Variants in PRKG1 observed in about 807,000 individuals in gnomAD.
PRKG1 encodes protein kinase cGMP-dependent 1, also known as cGMP-dependent protein kinase 1.
In PRKG1, 35 loss-of-function variants were observed where a neutral mutation model predicts 88.1. The ratio of observed to expected loss-of-function variants is 0.40; its 90% CI spans 0.30 to 0.53. PRKG1 has a LOEUF of 0.53. PRKG1 is among the 20% of genes least tolerant of loss of function. The pLI is 0.59. For synonymous variants in PRKG1, 303 were observed against 292.5 expected, an observed-to-expected ratio of 1.04 and a Z score of -0.37; for missense variants, 540 against 839.8, an observed-to-expected ratio of 0.64 and a Z score of 4.41.
At chr10:51,631,853 G>A (rs1839535016) in intron 3 of PRKG1, among the ~76,000 whole-genome samples, 1 of 152,184 alleles carries the variant, frequency 6.6e-6, no homozygotes, top group Non-Finnish European at 1.5e-5. Context: ...CTCACCTCAT[G>A]CTGTGTGTGA....
chr10:51,329,350 C>T (rs1000931488), intron 2 of PRKG1, among the ~76,000 whole-genome samples: 1 of 152,060 alleles, frequency 6.6e-6, no homozygotes, highest in East Asian at 1.9e-4. Context: ...ACTCTTGGTG[C>T]CTTTGTCATA....
At chr10:51,798,925 A>G (rs1839090561) in intron 3 of PRKG1, among the ~76,000 whole-genome samples, 1 of 152,028 alleles carries the variant, frequency 6.6e-6, no homozygotes, top group Admixed American at 6.6e-5. Context: ...TTTCACTCAT[A>G]TGTCTAGGCT....
intron 4 of PRKG1, among the ~76,000 whole-genome samples, chr10:51,859,731 C>G (rs374150679): frequency 9.2e-5 from 14 of 152,254 alleles, no homozygotes; most frequent in African/African-American, 2.6e-4. Context: ...TTCTCAAGGT[C>G]CATTAAAAAT....
At chr10:51,858,814 G>A (rs1169739308) in intron 4 of PRKG1, among the ~76,000 whole-genome samples, 1 of 151,962 alleles carries the variant, frequency 6.6e-6, no homozygotes, top group Non-Finnish European at 1.5e-5. Flanking sequence ...TGGGCTACAG[G>A]CTTTTCCCAT....
At chr10:52,114,841 C>T (rs977650855) in intron 7 of PRKG1, among the ~76,000 whole-genome samples, 1 of 152,002 alleles carries the variant, frequency 6.6e-6, no homozygotes, top group African/African-American at 2.4e-5. Flanking sequence ...ACATGGTGCA[C>T]CAGCACGTCA....
intron 3 of PRKG1, among the ~76,000 whole-genome samples, chr10:51,495,160 T>C (rs949501702): frequency 6.6e-6 from 1 of 152,122 alleles, no homozygotes; most frequent in Non-Finnish European, 1.5e-5. Context: ...AGTGGCACGA[T>C]CTTGGCTCAC....
intron 1 of PRKG1, among the ~76,000 whole-genome samples, chr10:51,100,488 T>C (rs965503287): frequency 3.9e-5 from 6 of 152,170 alleles, no homozygotes; most frequent in Non-Finnish European, 7.4e-5. Context: ...CTACAATGTC[T>C]CCAATATGTA....
chr10:51,276,912 G>A lies in PRKG1; in HGVS notation c.478+123582G>A, dbSNP rs571135071. 2.6e-5 allele frequency among the ~76,000 whole-genome samples: 4 copies of A among 152,234 alleles called. No individual in the cohort carries two copies. The East Asian group carries it at 7.7e-4, about 29-fold the overall frequency. ...AAAATTTTCTCCCATTCTGTAGGTT[G>A]CCTGTTCACTCTGATGGTAGTTTCT... is the stretch of plus-strand genomic sequence containing the variant. On this transcript the variant is annotated intron_variant, in intron 2 of 17. Transcript: ENST00000373980.
chr10:52,116,280 G>A (rs1017673664), intron 7 of PRKG1, among the ~76,000 whole-genome samples: 1 of 152,070 alleles, frequency 6.6e-6, no homozygotes, highest in African/African-American at 2.4e-5. Flanking sequence ...CGTGTTTAGT[G>A]TAACTACAAA....
At chr10:51,322,864 C>G (rs1841491361) in intron 2 of PRKG1, among the ~76,000 whole-genome samples, 2 of 152,142 alleles carry the variant, frequency 1.3e-5, no homozygotes, top group Non-Finnish European at 2.9e-5. Context: ...TTATAATCTT[C>G]CTAACTACAG....
intron 5 of PRKG1, 31 bp downstream of exon 5, chr10:51,907,601 G>A: frequency 1.3e-6 from 2 of 1,583,538 alleles, no homozygotes; most frequent in Non-Finnish European, 1.7e-6. Flanking sequence ...AACTTTTTGA[G>A]ATGGGATCCA....
chr10:51,405,252 A>AAAGTC (rs973172321), intron 2 of PRKG1, among the ~76,000 whole-genome samples: 2 of 152,190 alleles, frequency 1.3e-5, no homozygotes, highest in Admixed American at 6.5e-5. Flanking sequence ...ATCATAAAAT[A>AAAGTC]AAGTCAAGTC....
chr10:51,775,770 A>T (rs942964764), intron 3 of PRKG1, among the ~76,000 whole-genome samples: 4 of 151,756 alleles, frequency 2.6e-5, no homozygotes, highest in Admixed American at 2.6e-4. Context: ...TTTAATAGAG[A>T]CAGGGGTTTC....
In PRKG1 at chr10:52,054,514, A is replaced by G; in HGVS notation, c.793A>G (p.Arg265Gly). ...THYENGEYIIRQGARGDTFFI... is the reference protein window; with the variant it reads ...THYENGEYIIGQGARGDTFFI... The stretch of plus-strand genomic sequence containing the variant: ...CTATGAAAATGGAGAATATATTATC[A>G]GGCAAGGTGCAAGAGGGGACACCTT... Residue 265 changes from arginine to glycine, a missense_variant, in exon 6 of 18, where the codon AGG becomes GGG. Physicochemically the swap from Arg to Gly is moderately radical, Grantham distance 125. Around this residue, in one of 5 missense-constraint regions of PRKG1, gnomAD observed 400 missense variants for 562.7 expected, o/e 0.71. Transcript: ENST00000373980. 1 of 1,613,844 alleles carries G rather than the reference A, an allele frequency of 6.2e-7. No individual in the cohort carries two copies. Among genetic ancestry groups the G allele is most frequent in the Non-Finnish European group, 8.5e-7 (1 of 1,179,860 alleles).
At chr10:51,563,647 C>A (rs61849854) in intron 3 of PRKG1, among the ~76,000 whole-genome samples, 8,355 of 152,170 alleles carry the variant, frequency 0.055, 347 homozygotes, top group Middle Eastern at 0.088. Context: ...ATTGGAAAAG[C>A]ACATGTATAG....
intron 3 of PRKG1, among the ~76,000 whole-genome samples, chr10:51,656,785 C>A (rs1840171419): frequency 6.6e-6 from 1 of 152,154 alleles, no homozygotes; most frequent in Non-Finnish European, 1.5e-5. Context: ...GAGCCTTCCA[C>A]AACTTGGCAC....
At chr10:51,843,511 T>G (rs1312192245) in intron 4 of PRKG1, among the ~76,000 whole-genome samples, 1 of 152,186 alleles carries the variant, frequency 6.6e-6, no homozygotes, top group East Asian at 1.9e-4. Flanking sequence ...TTGAAATAAA[T>G]TTTTGGAGGA....
chr10:51,163,045 A>C (rs951164277), intron 2 of PRKG1, among the ~76,000 whole-genome samples: 1 of 152,126 alleles, frequency 6.6e-6, no homozygotes, highest in African/African-American at 2.4e-5. Flanking sequence ...CCGAATAGTA[A>C]TCCCAGCTAC....
At chr10:52,005,251 CTTTTT>C (rs10595402) in intron 5 of PRKG1, among the ~76,000 whole-genome samples, 5 of 117,758 alleles carry the variant, frequency 4.2e-5, no homozygotes, top group Admixed American at 9.2e-5. Context: ...TAATGCCCAT[CTTTTT>C]TTTTTTTTTT....
Sources: gnomAD v4.1 joint callset for allele counts (sites outside exome capture counted in the v4.1 genomes callset) on GRCh38, gnomAD v4.1.1 for gene constraint, gnomAD v4.1.1 regional missense constraint, MANE v1.5 for transcripts, NCBI Gene and HGNC (gene_info 2026-07-23, HGNC 2026-07-21) for gene names.